HSD17B12: variants seen among roughly 807,000 people sequenced by gnomAD.
HSD17B12 encodes very-long-chain 3-oxoacyl-CoA reductase.
A neutral mutation model predicts 39.3 loss-of-function variants in HSD17B12; 32 were observed. That is an observed-to-expected ratio of 0.81 (90% CI 0.61 to 1.09). The LOEUF is 1.09. Among genes scored for constraint, HSD17B12 ranks in the 50% least tolerant of loss-of-function variants. The probability of loss-of-function intolerance (pLI) is 0.00; values close to 1 mark genes in which losing one functional copy is unlikely to be tolerated. For missense variants in HSD17B12, 342 were observed against 382.9 expected (o/e 0.89, Z 0.89); for synonymous variants, 150 against 146.7 (o/e 1.02, Z -0.16).
intron 1 of HSD17B12, 64 bp from the exon 2 acceptor site, chr11:43,750,847 C>T: frequency 8.4e-7 from 1 of 1,189,114 alleles, no homozygotes; most frequent in African/African-American, 1.5e-5. Context: ...TTGGTGGGTC[C>T]TAACTATGAC....
chr11:43,619,213 A>ATATATATATGATATATATATAT, the HSD17B12 span, among the ~76,000 whole-genome samples: 2 of 38,480 alleles, frequency 5.2e-5, no homozygotes, highest in African/African-American at 1.7e-4. Context: ...ATATATATAT[A>ATATATATATGATATATATATAT]AAATATATAT....
chr11:43,634,075 C>CAAAAAAAAAAAAAAAAAAAA, the HSD17B12 span, among the ~76,000 whole-genome samples: 12 of 37,566 alleles, frequency 3.2e-4, 1 homozygote, highest in Admixed American at 4.1e-4. Flanking sequence ...AACTCCATCT[C>CAAAAAAAAAAAAAAAAAAAA]AAAAAAAAAA....
chr11:43,677,419 T>G (rs1949701686), upstream of HSD17B12, among the ~76,000 whole-genome samples: 1 of 152,202 alleles, frequency 6.6e-6, no homozygotes. Flanking sequence ...AGAGAGTAAG[T>G]GTGAAGCACT....
upstream of HSD17B12, among the ~76,000 whole-genome samples, chr11:43,677,970 A>G (rs1045410175): frequency 6.6e-6 from 1 of 152,210 alleles, no homozygotes; most frequent in East Asian, 1.9e-4. Flanking sequence ...GTTGGGTCAA[A>G]TGGTATTTCT....
intron 3 of HSD17B12, among the ~76,000 whole-genome samples, chr11:43,777,549 C>T (rs563098071): frequency 3.3e-5 from 5 of 152,248 alleles, no homozygotes; most frequent in African/African-American, 9.6e-5. Flanking sequence ...ATGTTGTCTG[C>T]AAACAGGGAC....
chr11:43,581,528 G>T, the HSD17B12 span: 2 of 459,028 alleles, frequency 4.4e-6, no homozygotes, highest in Admixed American at 2.3e-5. This position sits in a 1 kb window ranked among gnomAD's most constrained non-coding sequence, Gnocchi z 4.9. Flanking sequence ...GCCGAAGCCC[G>T]CACCTTCCCG....
chr11:43,667,700 T>G, the HSD17B12 span, among the ~76,000 whole-genome samples: 1 of 152,186 alleles, frequency 6.6e-6, no homozygotes, highest in South Asian at 2.1e-4. Flanking sequence ...TGAGGTTAAT[T>G]TCATATAATA....
chr11:43,796,882 T>A (rs1950921000), intron 3 of HSD17B12, among the ~76,000 whole-genome samples: 1 of 151,984 alleles, frequency 6.6e-6, no homozygotes, highest in Non-Finnish European at 1.5e-5. Flanking sequence ...TATAATAAAG[T>A]CAGCATTCTT....
At chr11:43,751,765 A>G (rs1420281633) in intron 2 of HSD17B12, among the ~76,000 whole-genome samples, 1 of 152,196 alleles carries the variant, frequency 6.6e-6, no homozygotes, top group African/African-American at 2.4e-5. Context: ...TTACTTTACT[A>G]TTATTATTAA....
intron 7 of HSD17B12, chr11:43,833,603 T>C (rs909265260): frequency 6.6e-6 from 1 of 152,230 alleles, no homozygotes; most frequent in African/African-American, 2.4e-5. Context: ...ATTGAAAGCA[T>C]TCTTACCTTA....
At chr11:43,558,993 T>A in the HSD17B12 span, among the ~76,000 whole-genome samples, 1 of 152,062 alleles carries the variant, frequency 6.6e-6, no homozygotes, top group Admixed American at 6.5e-5. Flanking sequence ...TCTCACTAAA[T>A]AAAGCAGAGT....
the HSD17B12 span, among the ~76,000 whole-genome samples, chr11:43,663,042 TA>T: frequency 1.8e-4 from 27 of 151,994 alleles, no homozygotes; most frequent in Non-Finnish European, 2.4e-4. Context: ...TAATTAGATT[TA>T]AAAAAAATTT....
the HSD17B12 span, among the ~76,000 whole-genome samples, chr11:43,606,786 A>G: frequency 6.6e-6 from 1 of 152,344 alleles, no homozygotes; most frequent in East Asian, 1.9e-4. Flanking sequence ...AACTGGGATC[A>G]ATAGAGGCTT....
the HSD17B12 span, chr11:43,579,626 CGCCGCGGCGGCG>C: frequency 6.6e-6 from 1 of 152,206 alleles, no homozygotes; most frequent in Non-Finnish European, 1.5e-5. Context: ...AGTTGCCCCG[CGCCGCGGCGGCG>C]GCGGGCGCAG....
At chr11:43,703,022 T>G (rs150951729) in intron 1 of HSD17B12, among the ~76,000 whole-genome samples, 2 of 152,174 alleles carry the variant, frequency 1.3e-5, no homozygotes, top group Admixed American at 1.3e-4. Flanking sequence ...TTTTCCTTTT[T>G]TTGTTGTTGT....
the HSD17B12 span, among the ~76,000 whole-genome samples, chr11:43,561,075 G>A: frequency 2.6e-5 from 4 of 152,110 alleles, no homozygotes; most frequent in South Asian, 2.1e-4. Flanking sequence ...CTGAAGCCGT[G>A]GCTTAGAGCC....
chr11:43,706,689 GGTGTGTGT>G (rs147962977), intron 1 of HSD17B12, among the ~76,000 whole-genome samples: 1 of 137,820 alleles, frequency 7.3e-6, no homozygotes, highest in South Asian at 2.3e-4. Context: ...TGAATGAAGG[GGTGTGTGT>G]GTGTGTGTGT....
chr11:43,761,025 C>T (rs1479695038), intron 3 of HSD17B12, among the ~76,000 whole-genome samples: 1 of 151,916 alleles, frequency 6.6e-6, no homozygotes, highest in Non-Finnish European at 1.5e-5. Flanking sequence ...CCTGGCCTTC[C>T]AGAAAGTGAC....
intron 1 of HSD17B12, among the ~76,000 whole-genome samples, chr11:43,699,923 T>C (rs910257807): frequency 1.3e-5 from 2 of 152,198 alleles, no homozygotes; most frequent in African/African-American, 4.8e-5. Context: ...CAGTGAGATA[T>C]CATCTTACCC....
Sources: allele counts gnomAD v4.1 joint callset (sites outside exome capture counted in the v4.1 genomes callset), GRCh38; gene constraint gnomAD v4.1.1; non-coding constraint Gnocchi (gnomAD v3.1); transcripts MANE v1.5; gene names NCBI Gene and HGNC (gene_info 2026-07-23, HGNC 2026-07-21).